ST3GAL2: variants seen among roughly 807,000 people sequenced by gnomAD.
ST3GAL2 encodes the protein CMP-N-acetylneuraminate-beta-galactosamide-alpha-2,3-sialyltransferase 2.
A neutral mutation model predicts 37.5 loss-of-function variants in ST3GAL2; 16 were observed. The ratio of observed to expected loss-of-function variants is 0.43; its 90% CI spans 0.29 to 0.65. ST3GAL2 has a LOEUF of 0.65. ST3GAL2 is among the 30% of genes least tolerant of loss of function. ST3GAL2 has a pLI of 0.17. For synonymous variants in ST3GAL2, 238 were observed against 202.9 expected (o/e 1.17, Z -1.47); for missense variants, 383 against 487.8 (o/e 0.79, Z 2.02).
chr16:70,428,570 C>T (rs978878963), intron 1 of ST3GAL2, among the ~76,000 whole-genome samples: 5 of 152,166 alleles, frequency 3.3e-5, no homozygotes, highest in African/African-American at 1.2e-4. Context: ...GGCTTGGGGC[C>T]CATCTCTCCC....
At chr16:70,409,133 T>C (rs2047617792) in intron 1 of ST3GAL2, among the ~76,000 whole-genome samples, 1 of 151,938 alleles carries the variant, frequency 6.6e-6, no homozygotes, top group African/African-American at 2.4e-5. Flanking sequence ...AGGCATGAAG[T>C]AACGTCTAGA....
chr16:70,413,547 T>C (rs1335884406), intron 1 of ST3GAL2, among the ~76,000 whole-genome samples: 1 of 120,316 alleles, frequency 8.3e-6, no homozygotes, highest in African/African-American at 3.6e-5. Context: ...GAAACCCGTC[T>C]CTATCAAAAA....
intron 1 of ST3GAL2, 139 bp downstream of exon 1, chr16:70,438,810 C>T (rs62049031): frequency 0.32 from 48,846 of 151,826 alleles, 9,653 homozygotes; most frequent in Non-Finnish European, 0.43. Flanking sequence ...GCCCGGCGCC[C>T]CGACCCGGGG....
chr16:70,398,550 C>T lies in ST3GAL2; in HGVS notation c.-20G>A, dbSNP rs529500408. On this transcript the variant is annotated 5_prime_UTR_variant, in exon 2 of 7. Coordinates refer to ENST00000342907, the MANE Select transcript of ST3GAL2 (RefSeq NM_006927.4). ...CTTCATGGTGCCGGCAGGCGGGTGA[C>T]GGTCACCGTGGCCACTCTTTTCCCA... 1.1e-4 allele frequency: 173 copies of T among 1,563,006 alleles called. No individual in the cohort carries two copies. The South Asian group carries it at 1.4e-3, about 13-fold the overall frequency.
intron 1 of ST3GAL2, among the ~76,000 whole-genome samples, chr16:70,434,854 A>C (rs1005072348): frequency 2.6e-5 from 4 of 152,092 alleles, no homozygotes; most frequent in Non-Finnish European, 4.4e-5. Flanking sequence ...TTCCTCAGTA[A>C]CCCTACCTGG....
intron 1 of ST3GAL2, among the ~76,000 whole-genome samples, chr16:70,408,905 AAAAAAAAAAAAAAAAAAAAAAAGAAAG>A (rs1161843824): frequency 1.3e-4 from 15 of 112,626 alleles, no homozygotes; most frequent in African/African-American, 6.6e-4. Context: ...AAAAAAAAAA[AAAAAAAAAAAAAAAAAAAAAAAGAAAG>A]AAAAAATAAA....
chr16:70,387,126 C>T (rs1233546669), intron 4 of ST3GAL2, among the ~76,000 whole-genome samples: 1 of 152,046 alleles, frequency 6.6e-6, no homozygotes, highest in Non-Finnish European at 1.5e-5. Flanking sequence ...TGTGGTGACA[C>T]ATGCCTGTGA....
At chr16:70,431,778 A>C (rs1374472937) in intron 1 of ST3GAL2, among the ~76,000 whole-genome samples, 25 of 151,900 alleles carry the variant, frequency 1.6e-4, no homozygotes, top group Admixed American at 1.6e-3. Flanking sequence ...CCTGGCTAAT[A>C]CAGTGAAACC....
chr16:70,406,667 G>A (rs1490106651), intron 1 of ST3GAL2, among the ~76,000 whole-genome samples: 11 of 151,906 alleles, frequency 7.2e-5, no homozygotes, highest in Admixed American at 3.9e-4. Context: ...CTGTAATCCC[G>A]CTACTTCGGA....
chr16:70,415,162 T>C (rs1024952074), intron 1 of ST3GAL2, among the ~76,000 whole-genome samples: 3 of 151,874 alleles, frequency 2.0e-5, no homozygotes, highest in African/African-American at 7.3e-5. Flanking sequence ...GCATGAGCCA[T>C]CACGCCCAGC....
chr16:70,382,674 G>A, intron 6 of ST3GAL2, 131 bp downstream of exon 6: 3 of 1,374,366 alleles, frequency 2.2e-6, no homozygotes, highest in Non-Finnish European at 3.0e-6. Context: ...ACAGCCTAGA[G>A]ATGGGGGAAA....
intron 1 of ST3GAL2, among the ~76,000 whole-genome samples, chr16:70,419,343 A>G (rs1165298655): frequency 2.0e-5 from 3 of 152,186 alleles, no homozygotes; most frequent in Admixed American, 2.0e-4. Context: ...CCTGTTAGGG[A>G]TGTGAGAATA....
intron 1 of ST3GAL2, among the ~76,000 whole-genome samples, chr16:70,418,846 T>A (rs769257605): frequency 1.3e-4 from 19 of 151,860 alleles, no homozygotes; most frequent in Non-Finnish European, 2.1e-4. Context: ...AACCCTCTCC[T>A]CCCCCACCCA....
Position 70,398,992 on chromosome 16 carries a change from G to A in ST3GAL2, c.-462C>T, listed in dbSNP as rs1567669591. 4.8e-6 allele frequency: 2 copies of A among 417,268 alleles called. No homozygotes were observed. The highest frequency in any genetic ancestry group is 2.0e-4 in the South Asian group (2 of 10,086). 25.8% of individuals were successfully genotyped at this position (417,268 alleles called of 1,614,324 possible). The stretch of plus-strand genomic sequence containing the variant: ...GCGGCCCCTCGTTCCCGGCAGCGGG[G>A]AAGCCCTAGAACTCCAATCACAACA... On this transcript the variant is annotated 5_prime_UTR_variant, in exon 2 of 7. Coordinates refer to ENST00000342907, the MANE Select transcript of ST3GAL2 (RefSeq NM_006927.4).
At chr16:70,428,733 C>T (rs2047768335) in intron 1 of ST3GAL2, among the ~76,000 whole-genome samples, 1 of 152,208 alleles carries the variant, frequency 6.6e-6, no homozygotes, top group Non-Finnish European at 1.5e-5. Context: ...TCACTACCTT[C>T]CTCCTCTTCT....
chr16:70,407,415 A>C (rs2047600259), intron 1 of ST3GAL2, among the ~76,000 whole-genome samples: 1 of 152,200 alleles, frequency 6.6e-6, no homozygotes, highest in Non-Finnish European at 1.5e-5. Context: ...TGCTGGAATT[A>C]CAGGTGTGAG....
rs2047364517 is a variant in ST3GAL2 at position 70,378,220 on chromosome 16, C to T, written c.*3469G>A. 1 of 152,082 alleles carries T rather than the reference C, an allele frequency of 6.6e-6. No individual in the cohort carries two copies. Among genetic ancestry groups the T allele is most frequent in the East Asian group, 1.9e-4 (1 of 5,184 alleles). The allele number at this position is 152,082 out of a possible 1,614,324, so 9.4% of individuals were successfully genotyped here. A position where few individuals can be genotyped will look rare whatever the true frequency, so the allele number is the denominator to read the frequency against. On this transcript the variant is annotated 3_prime_UTR_variant, in exon 7 of 7. Coordinates refer to ENST00000342907, the MANE Select transcript of ST3GAL2 (RefSeq NM_006927.4). The stretch of plus-strand genomic sequence containing the variant: ...CTGTGGTCAGGAGTTCGAGACCAGC[C>T]TGGCCAACATGGTGAAACCCCGTCT...
chr16:70,385,697 T>A (rs1280077739), intron 4 of ST3GAL2, among the ~76,000 whole-genome samples: 1 of 143,644 alleles, frequency 7.0e-6, no homozygotes, highest in South Asian at 2.2e-4. Flanking sequence ...CTTTTTTGGT[T>A]CTTTTTTTTT....
chr16:70,434,244 C>T (rs1169152936), intron 1 of ST3GAL2, among the ~76,000 whole-genome samples: 2 of 152,226 alleles, frequency 1.3e-5, no homozygotes, highest in East Asian at 3.9e-4. Flanking sequence ...CGAGACCAGC[C>T]TGGCCAACAT....
Sources: gnomAD v4.1 joint callset for allele counts (sites outside exome capture counted in the v4.1 genomes callset) on GRCh38, gnomAD v4.1.1 for gene constraint, MANE v1.5 for transcripts, NCBI Gene and HGNC (gene_info 2026-07-23, HGNC 2026-07-21) for gene names.